WHAMM: variants seen among roughly 807,000 people sequenced by gnomAD.
WHAMM encodes WASP homolog-associated protein with actin, membranes and microtubules.
In WHAMM, 67 loss-of-function variants were observed where a neutral mutation model predicts 76.5. That is an observed-to-expected ratio of 0.88 (90% CI 0.72 to 1.07). The LOEUF (loss-of-function observed/expected upper bound fraction) is 1.07, where lower values mean the gene tolerates loss of function less well. Among genes scored for constraint, WHAMM ranks in the 50% least tolerant of loss-of-function variants. The pLI, the probability that WHAMM is intolerant of heterozygous loss-of-function variation, is 0.00. For synonymous variants in WHAMM, 419 were observed against 422.1 expected (o/e 0.99, Z 0.09); for missense variants, 1,021 against 1,051.1 (o/e 0.97, Z 0.40).
intron 1 of WHAMM, among the ~76,000 whole-genome samples, chr15:82,812,796 T>C (rs1488504374): frequency 6.6e-6 from 1 of 152,136 alleles, no homozygotes; most frequent in Non-Finnish European, 1.5e-5. Context: ...CCCCAGCAGC[T>C]GGGATTACAG....
At position 82,832,295 on chromosome 15, in the gene WHAMM, TA is replaced by T. The variant is rs1448208709; in HGVS notation, c.2123-932del. Among the ~76,000 whole-genome samples the T allele has an allele frequency of 2.4e-4, 37 of 152,336 alleles. No individual in the cohort carries two copies. In the East Asian group the frequency reaches 7.1e-3, roughly 29 times the overall value. The stretch of plus-strand genomic sequence containing the variant: ...TCTCATTACCCCCAGAAAGAAATTG[TA>T]ATAAGAAGGTATAAGTTTAAATCCA... On this transcript the variant is annotated intron_variant, in intron 9 of 9. Coordinates refer to ENST00000286760, the MANE Select transcript of WHAMM (RefSeq NM_001080435.3).
intron 6 of WHAMM, among the ~76,000 whole-genome samples, chr15:82,823,946 A>G (rs568489236): frequency 2.6e-5 from 4 of 152,242 alleles, no homozygotes; most frequent in Admixed American, 2.6e-4. Context: ...ATTTTACTGT[A>G]AATTATTGAG....
In WHAMM at chr15:82,833,426, A is replaced by G. The variant is rs955542820; in HGVS notation, c.2320A>G (p.Thr774Ala). 5.6e-6 allele frequency: 9 copies of G among 1,613,914 alleles called. No homozygotes were observed. The African/African-American group carries it at 1.2e-4, about 22-fold the overall frequency. ...CAGCAAACCAACCAGCAACAGACGC[A>G]CCAGTGACCTTGAGAGGAGCATCAA... ...PSSKPTSNRR[T>A]SDLERSIKAA... The change falls in exon 10 of 10, where the codon ACC becomes GCC. Residue 774 changes from threonine (T) to alanine (A), a missense_variant. Around this residue, in one of 3 missense-constraint regions of WHAMM, gnomAD observed 509 missense variants for 492.3 expected, o/e 1.03. Coordinates refer to ENST00000286760, the MANE Select transcript of WHAMM (RefSeq NM_001080435.3).
chr15:82,823,181 A>C lies in WHAMM; in HGVS notation c.1352A>C (p.Gln451Pro). The C allele has an allele frequency of 6.3e-7, 1 of 1,580,206 alleles. No individual in the cohort carries two copies. The highest frequency in any genetic ancestry group is 8.6e-7 in the Non-Finnish European group (1 of 1,160,202). The change falls in exon 6 of 10, where the codon CAG becomes CCG. Residue 451 changes from glutamine to proline, a missense_variant. Physicochemically the swap from Gln to Pro is moderately conservative, Grantham distance 76. Transcript: ENST00000286760. ...LKVIDCVVGL[Q>P]DDKNLEVKEL... Reference sequence around the variant, plus strand: ...GTCATTGACTGTGTGGTGGGGCTGCAGGATGATAAGAATTTGGAAGTGAAA... The same window carrying C: ...GTCATTGACTGTGTGGTGGGGCTGCCGGATGATAAGAATTTGGAAGTGAAA...
At chr15:82,823,852 C>T (rs1474646220) in intron 6 of WHAMM, among the ~76,000 whole-genome samples, 2 of 152,176 alleles carry the variant, frequency 1.3e-5, no homozygotes, top group Admixed American at 1.3e-4. Context: ...AGGTGTGAGC[C>T]ACCACCCCTG....
At chr15:82,816,586 T>G in intron 2 of WHAMM, 106 bp from the exon 3 acceptor site, 3 of 1,035,298 alleles carry the variant, frequency 2.9e-6, no homozygotes, top group Non-Finnish European at 4.2e-6. Context: ...ATTGACTGAG[T>G]AGTAGTGTAG....
intron 2 of WHAMM, among the ~76,000 whole-genome samples, chr15:82,815,501 C>T (rs2050712135): frequency 1.3e-5 from 2 of 152,080 alleles, no homozygotes; most frequent in African/African-American, 4.8e-5. Context: ...CACTTTTTGG[C>T]TATTATGAAT....
intron 2 of WHAMM, among the ~76,000 whole-genome samples, chr15:82,814,005 T>C (rs2050677744): frequency 6.6e-6 from 1 of 152,082 alleles, no homozygotes; most frequent in African/African-American, 2.4e-5. Flanking sequence ...CAGCTTGTTT[T>C]CCTCTAAGGA....
In WHAMM at chr15:82,809,685, G is replaced by C. The variant is rs757672167; in HGVS notation, c.-42G>C. 7.5e-7 allele frequency: 1 copy of C among 1,341,584 alleles called. No homozygotes were observed. Among genetic ancestry groups the C allele is most frequent in the South Asian group, 1.7e-5 (1 of 58,490 alleles). The allele number at this position is 1,341,584 out of a possible 1,614,324, so 83.1% of individuals were successfully genotyped here. The stretch of plus-strand genomic sequence containing the variant: ...GTGACAGGCGGTGCGAGGAGGCCAG[G>C]CCCGCGCCCGCCGAGCCCTAGGGCC... On this transcript the variant is annotated 5_prime_UTR_variant, in exon 1 of 10. Coordinates refer to ENST00000286760, the MANE Select transcript of WHAMM (RefSeq NM_001080435.3).
intron 9 of WHAMM, among the ~76,000 whole-genome samples, chr15:82,831,357 T>C (rs910589655): frequency 4.6e-5 from 7 of 152,248 alleles, no homozygotes; most frequent in African/African-American, 1.7e-4. Context: ...GTTGTTAAAG[T>C]ATCAACCTAT....
rs1272792331 is a variant in WHAMM, at chr15:82,835,234, C to T, written c.*1698C>T. The T allele has an allele frequency of 2.6e-5, 4 of 152,066 alleles. No homozygotes were observed. Among genetic ancestry groups the T allele is most frequent in the East Asian group, 1.9e-4 (1 of 5,184 alleles). The allele number at this position is 152,066 out of a possible 1,614,324, so 9.4% of individuals were successfully genotyped here. Reference sequence around the variant, plus strand: ...CTCTGCCTCCTGGGTTCAAGTGATTCTCCTGCCTCAGCCTCTCGAGTAGCT... The same window carrying T: ...CTCTGCCTCCTGGGTTCAAGTGATTTTCCTGCCTCAGCCTCTCGAGTAGCT... On this transcript the variant is annotated 3_prime_UTR_variant, in exon 10 of 10. Coordinates refer to ENST00000286760, the MANE Select transcript of WHAMM (RefSeq NM_001080435.3).
In WHAMM at chr15:82,810,038, C is replaced by T; in HGVS notation, c.312C>T (p.Cys104=). ...CGCTGTGGCCGCCTCTGGAGCGCTG[C>T]TTCCCGCGGCTGCCGCCGGAGCTGG... ...LAALWPPLER[C]FPRLPPELDV... is the part of the protein sequence containing the mutation. Residue 104 remains cysteine, a synonymous_variant, in exon 1 of 10, where the codon TGC becomes TGT. Coordinates refer to ENST00000286760, the MANE Select transcript of WHAMM (RefSeq NM_001080435.3). 1.6e-6 allele frequency: 2 copies of T among 1,223,614 alleles called. No individual in the cohort carries two copies. Among genetic ancestry groups the T allele is most frequent in the Non-Finnish European group, 2.0e-6 (2 of 985,886 alleles). The allele number at this position is 1,223,614 out of a possible 1,614,324, so 75.8% of individuals were successfully genotyped here. A position where few individuals can be genotyped will look rare whatever the true frequency, so the allele number is the denominator to read the frequency against.
chr15:82,817,135 G>C (rs1278490070), intron 3 of WHAMM, among the ~76,000 whole-genome samples: 1 of 152,200 alleles, frequency 6.6e-6, no homozygotes. Context: ...GGTCACTGAA[G>C]GCCTCTGAGA....
chr15:82,832,514 A>C (rs538980593), intron 9 of WHAMM, among the ~76,000 whole-genome samples: 1 of 152,172 alleles, frequency 6.6e-6, no homozygotes, highest in East Asian at 1.9e-4. Flanking sequence ...GCTTCTCCTC[A>C]CCAATGCCTT....
At chr15:82,820,191 A>G (rs1332271649) in intron 5 of WHAMM, among the ~76,000 whole-genome samples, 1 of 152,216 alleles carries the variant, frequency 6.6e-6, no homozygotes, top group East Asian at 1.9e-4. Flanking sequence ...TAGTAGATAT[A>G]TATTTTTATG....
chr15:82,809,831 C>T lies in WHAMM; in HGVS notation c.105C>T (p.Asn35=), dbSNP rs748322755. The change falls in exon 1 of 10, where the codon AAC becomes AAT. Residue 35 remains asparagine (N), a synonymous_variant. Transcript: ENST00000286760. ...GGCTGCGCTTCCTGGTGGCCTGGAA[C>T]GGCGCGGAGGGCAAGTTCGCTGTGA... The part of the protein sequence containing the change: ...RHRLRFLVAW[N]GAEGKFAVTC... 6.2e-6 allele frequency: 10 copies of T among 1,604,764 alleles called. 1 individual carries two copies. In the South Asian group the frequency reaches 1.1e-4, roughly 18 times the overall value.
intron 5 of WHAMM, among the ~76,000 whole-genome samples, chr15:82,821,411 AATTT>A (rs2050824783): frequency 6.6e-6 from 1 of 152,138 alleles, no homozygotes; most frequent in African/African-American, 2.4e-5. Context: ...GTCCAGGTGG[AATTT>A]ATTTTGATTG....
In WHAMM at chr15:82,833,625, TGATA is replaced by T. The variant is rs2051076539; in HGVS notation, c.*93_*96del. 20 of 1,408,128 alleles carry T rather than the reference TGATA, an allele frequency of 1.4e-5. No individual in the cohort carries two copies. The highest frequency in any genetic ancestry group is 1.8e-5 in the Non-Finnish European group (19 of 1,043,830). 87.2% of individuals were successfully genotyped at this position (1,408,128 alleles called of 1,614,324 possible). On this transcript the variant is annotated 3_prime_UTR_variant, in exon 10 of 10. Transcript: ENST00000286760. ...ATCGAAAAGCATACTAACAGGGTGC[TGATA>T]GATGGGCCACATAACACCCCGGAAG...
chr15:82,835,262 G>A lies in WHAMM; in HGVS notation c.*1726G>A, dbSNP rs2051112893. 6.6e-6 allele frequency: 1 copy of A among 152,264 alleles called. No homozygotes were observed. 9.4% of individuals were successfully genotyped at this position (152,264 alleles called of 1,614,324 possible). A position where few individuals can be genotyped will look rare whatever the true frequency, so the allele number is the denominator to read the frequency against. ...CTGCCTCAGCCTCTCGAGTAGCTGG[G>A]ACTACAGGCGTGTGCCACCACACCC... is the stretch of plus-strand genomic sequence containing the variant. On this transcript the variant is annotated 3_prime_UTR_variant, in exon 10 of 10. Transcript: ENST00000286760.
Sources: allele counts gnomAD v4.1 joint callset (sites outside exome capture counted in the v4.1 genomes callset), GRCh38; gene constraint gnomAD v4.1.1; regional missense constraint gnomAD v4.1.1; transcripts MANE v1.5; gene names NCBI Gene and HGNC (gene_info 2026-07-23, HGNC 2026-07-21).